Variants in CPQ observed in about 807,000 individuals in gnomAD.
CPQ encodes carboxypeptidase Q.
Under a neutral mutation model 45.7 loss-of-function variants are expected in CPQ, and 37 were observed. That is an observed-to-expected ratio of 0.81 (90% CI 0.62 to 1.07). The LOEUF (loss-of-function observed/expected upper bound fraction) is 1.07, where lower values mean the gene tolerates loss of function less well. Ranked by LOEUF, CPQ falls within the 50% of genes least tolerant of loss-of-function variation. The pLI, the probability that CPQ is intolerant of heterozygous loss-of-function variation, is 0.00. For synonymous variants in CPQ, 186 were observed against 205.8 expected (o/e 0.90, Z 0.82); for missense variants, 537 against 572.9 (o/e 0.94, Z 0.64).
chr8:96,877,334 A>G (rs1307229847), intron 3 of CPQ, among the ~76,000 whole-genome samples: 1 of 152,202 alleles, frequency 6.6e-6, no homozygotes, highest in African/African-American at 2.4e-5. Context: ...CCATGGGTGC[A>G]TGCCCGGCTC....
intron 1 of CPQ, among the ~76,000 whole-genome samples, chr8:96,710,646 G>T (rs1809595424): frequency 6.6e-6 from 1 of 152,068 alleles, no homozygotes; most frequent in Admixed American, 6.6e-5. Context: ...CCATGTATTT[G>T]TGTAGTTTTG....
chr8:96,750,023 T>C (rs1810237953), intron 1 of CPQ, among the ~76,000 whole-genome samples: 1 of 152,014 alleles, frequency 6.6e-6, no homozygotes, highest in African/African-American at 2.4e-5. Context: ...TGTAGAGATA[T>C]ATTTATAGAA....
intron 2 of CPQ, among the ~76,000 whole-genome samples, chr8:96,805,292 A>C (rs923854412): frequency 6.6e-6 from 1 of 152,168 alleles, no homozygotes; most frequent in African/African-American, 2.4e-5. Context: ...TTCCCTATGC[A>C]TTTAAATATT....
chr8:96,926,625 C>CTTCTTCTTCTTCTTCTTCTTCTTCTCCTT (rs59043894), intron 4 of CPQ, among the ~76,000 whole-genome samples: 1 of 58,446 alleles, frequency 1.7e-5, no homozygotes, highest in Non-Finnish European at 3.8e-5. Context: ...TTCTTCTTCT[C>CTTCTTCTTCTTCTTCTTCTTCTTCTCCTT]CTCCTTCTCC....
At chr8:96,693,873 G>T (rs1809336842) in intron 1 of CPQ, among the ~76,000 whole-genome samples, 1 of 152,116 alleles carries the variant, frequency 6.6e-6, no homozygotes, top group African/African-American at 2.4e-5. Context: ...GTAGAAAGAT[G>T]AAAACATGAG....
At chr8:97,065,228 G>A (rs1810617263) in intron 6 of CPQ, among the ~76,000 whole-genome samples, 2 of 152,174 alleles carry the variant, frequency 1.3e-5, no homozygotes, top group South Asian at 2.1e-4. Context: ...GCAAGTTTTC[G>A]GGCTGGGTAG....
intron 5 of CPQ, among the ~76,000 whole-genome samples, chr8:96,992,589 A>G (rs563297104): frequency 6.6e-6 from 1 of 152,316 alleles, no homozygotes; most frequent in South Asian, 2.1e-4. Context: ...TCCTTATTGT[A>G]TAATAGGGAC....
At chr8:97,007,075 G>A (rs1809397687) in intron 5 of CPQ, among the ~76,000 whole-genome samples, 1 of 152,182 alleles carries the variant, frequency 6.6e-6, no homozygotes, top group Non-Finnish European at 1.5e-5. Context: ...GCACACTACT[G>A]TTCCCAGTCT....
rs569975470 is a variant in CPQ, at chr8:96,842,432, A to G, written c.641+7252A>G. On this transcript the variant is annotated intron_variant, in intron 3 of 7. Transcript: ENST00000220763. ...GTGACTCACCTCGATTAGTAGGCTT[A>G]TTTTGTTTTTGCTTAACTCACTCTG... Among the ~76,000 whole-genome samples the G allele has an allele frequency of 7.9e-5, 12 of 152,272 alleles. No individual in the cohort carries two copies. In the South Asian group the frequency reaches 2.1e-3, roughly 26 times the overall value.
At chr8:97,057,757 T>A (rs911073059) in intron 6 of CPQ, among the ~76,000 whole-genome samples, 30 of 152,302 alleles carry the variant, frequency 2.0e-4, no homozygotes, top group African/African-American at 6.7e-4. Context: ...GTACAGTATT[T>A]GGACATTTTC....
At chr8:96,793,671 G>A (rs1419978563) in intron 2 of CPQ, among the ~76,000 whole-genome samples, 1 of 152,114 alleles carries the variant, frequency 6.6e-6, no homozygotes, top group African/African-American at 2.4e-5. Flanking sequence ...TAACTCAAAA[G>A]TCCACAGTCC....
intron 1 of CPQ, among the ~76,000 whole-genome samples, chr8:96,673,591 C>G (rs1350508949): frequency 6.6e-6 from 1 of 152,172 alleles, no homozygotes; most frequent in Middle Eastern, 3.4e-3. Flanking sequence ...TGGGGTTTTC[C>G]TTATGATTTA....
At chr8:96,830,479 G>A (rs1811441089) in intron 2 of CPQ, among the ~76,000 whole-genome samples, 1 of 151,968 alleles carries the variant, frequency 6.6e-6, no homozygotes, top group African/African-American at 2.4e-5. Context: ...AGGTTAAGTG[G>A]CTTAAAAAAA....
intron 7 of CPQ, among the ~76,000 whole-genome samples, chr8:97,132,228 T>G (rs1811969907): frequency 1.3e-5 from 2 of 152,160 alleles, no homozygotes; most frequent in Admixed American, 1.3e-4. Context: ...CAGAGGTGTG[T>G]GGATTCTCCC....
chr8:97,078,763 TTCTCTCTCTCTCTC>T (rs749278181), intron 7 of CPQ, among the ~76,000 whole-genome samples: 48 of 100,360 alleles, frequency 4.8e-4, no homozygotes, highest in African/African-American at 1.2e-3. Context: ...TCATTTCCAT[TTCTCTCTCTCTCTC>T]TCTCTCTCTC....
chr8:96,949,944 A>C (rs919383615), intron 4 of CPQ, among the ~76,000 whole-genome samples: 28 of 152,110 alleles, frequency 1.8e-4, no homozygotes, highest in Admixed American at 1.1e-3. Context: ...TTTTATGTTT[A>C]CTTTTTATGT....
intron 1 of CPQ, among the ~76,000 whole-genome samples, chr8:96,703,374 A>C (rs563295854): frequency 1.3e-5 from 2 of 152,218 alleles, no homozygotes; most frequent in Non-Finnish European, 2.9e-5. Context: ...CTCATGCACA[A>C]TATCTTATGT....
intron 6 of CPQ, among the ~76,000 whole-genome samples, chr8:97,036,484 A>AT (rs1810009007): frequency 6.6e-6 from 1 of 152,222 alleles, no homozygotes; most frequent in African/African-American, 2.4e-5. Flanking sequence ...TAGGAGTGGA[A>AT]TTTGACTTTG....
chr8:97,098,962 A>G (rs923472518), intron 7 of CPQ, among the ~76,000 whole-genome samples: 2 of 152,120 alleles, frequency 1.3e-5, no homozygotes, highest in African/African-American at 4.8e-5. Context: ...TTAGAAAGCC[A>G]TTTTGTAGAA....
Sources: gnomAD v4.1 joint callset for allele counts (sites outside exome capture counted in the v4.1 genomes callset) on GRCh38, gnomAD v4.1.1 for gene constraint, MANE v1.5 for transcripts, NCBI Gene and HGNC (gene_info 2026-07-23, HGNC 2026-07-21) for gene names.